HMGB1: variants seen among roughly 807,000 people sequenced by gnomAD.
The protein encoded by HMGB1 is high mobility group box 1, also known as high mobility group protein B1.
For missense variants in HMGB1, 79 were observed against 253.5 expected, an observed-to-expected ratio of 0.31 and a Z score of 4.67; for synonymous variants, 81 against 84.0, an observed-to-expected ratio of 0.96 and a Z score of 0.19.
chr13:30,550,739 A>G (rs1869390135), intron 1 of HMGB1, among the ~76,000 whole-genome samples: 1 of 152,188 alleles, frequency 6.6e-6, no homozygotes, highest in South Asian at 2.1e-4. Flanking sequence ...CTCACTCCCA[A>G]GAGGAAATTT....
At chr13:30,464,311 G>GTA (rs1886568026) in intron 1 of HMGB1, 1 of 985,310 alleles carries the variant, frequency 1.0e-6, no homozygotes, top group African/African-American at 1.7e-5. Flanking sequence ...GCCCTGAGAT[G>GTA]TATTTCTGTT....
intron 1 of HMGB1, among the ~76,000 whole-genome samples, chr13:30,579,272 GCT>G (rs1870797134): frequency 6.6e-6 from 1 of 152,020 alleles, no homozygotes; most frequent in African/African-American, 2.4e-5. Context: ...CACTTTTCAC[GCT>G]ATAGGCCATG....
chr13:30,463,427 T>C (rs1241177792), intron 2 of HMGB1, 75 bp from the exon 3 acceptor site: 18 of 1,530,716 alleles, frequency 1.2e-5, no homozygotes, highest in Non-Finnish European at 1.6e-5. Flanking sequence ...TCTTTTGCTA[T>C]GTAATAGCGT....
At chr13:30,598,223 C>T (rs535576556) in intron 1 of HMGB1, among the ~76,000 whole-genome samples, 2 of 152,340 alleles carry the variant, frequency 1.3e-5, no homozygotes, top group Admixed American at 6.5e-5. Flanking sequence ...AAATGACTTA[C>T]ATCTAGAGAT....
intron 1 of HMGB1, among the ~76,000 whole-genome samples, chr13:30,480,433 T>TG (rs1314608437): frequency 6.6e-5 from 10 of 152,356 alleles, no homozygotes; most frequent in Middle Eastern, 3.4e-3. Flanking sequence ...ATTTTAGAGA[T>TG]GGGGTCTCAC....
intron 1 of HMGB1, among the ~76,000 whole-genome samples, chr13:30,529,028 C>CAAAAAAAAAAAAAAA (rs59654057): frequency 1.9e-5 from 1 of 53,518 alleles, no homozygotes; most frequent in African/African-American, 7.0e-5. Context: ...GACTGCGTCT[C>CAAAAAAAAAAAAAAA]AAAAAAAAAA....
intron 1 of HMGB1, among the ~76,000 whole-genome samples, chr13:30,487,610 T>C (rs879620337): frequency 6.6e-6 from 1 of 152,164 alleles, no homozygotes; most frequent in Non-Finnish European, 1.5e-5. Context: ...GCTAAATGAC[T>C]TTTTTCCCCC....
intron 1 of HMGB1, among the ~76,000 whole-genome samples, chr13:30,500,726 C>CT (rs570120939): frequency 0.13 from 16,437 of 127,648 alleles, 1,373 homozygotes; most frequent in South Asian, 0.19. Context: ...TTTTTAATTT[C>CT]TTTTTTTTTT....
chr13:30,607,073 G>T (rs1448699258), intron 1 of HMGB1, among the ~76,000 whole-genome samples: 1 of 152,110 alleles, frequency 6.6e-6, no homozygotes, highest in African/African-American at 2.4e-5. Flanking sequence ...TTACAGTGAT[G>T]GTTTTTAGGC....
chr13:30,458,856 G>C lies in HMGB1; in HGVS notation c.*2501C>G, dbSNP rs1156345846. 6.6e-6 allele frequency: 1 copy of C among 152,164 alleles called. No homozygotes were observed. The highest frequency in any genetic ancestry group is 1.5e-5 in the Non-Finnish European group (1 of 68,018). 9.4% of individuals were successfully genotyped at this position (152,164 alleles called of 1,614,324 possible). A position where few individuals can be genotyped will look rare whatever the true frequency, so the allele number is the denominator to read the frequency against. On this transcript the variant is annotated 3_prime_UTR_variant, in exon 5 of 5. Coordinates refer to ENST00000341423, the MANE Select transcript of HMGB1 (RefSeq NM_002128.7). ...ATACAGCAAACATTAACAACACTGT[G>C]ATGGGACGATCATCAGAACTGTGGT...
chr13:30,600,676 G>A lies in HMGB1; in HGVS notation c.-15+15995C>T, dbSNP rs982985672. Among the ~76,000 whole-genome samples, 5 of 152,176 alleles carry A rather than the reference G, an allele frequency of 3.3e-5. No homozygotes were observed. In the South Asian group the frequency reaches 1.0e-3, roughly 32 times the overall value. On this transcript the variant is annotated intron_variant, in intron 1 of 4. Transcript: ENST00000405805. ...GGCTGGAGTGCAATGGCGCAATCCT[G>A]ACTCACTGCAACCTCCGCCTCCTGG... is the stretch of plus-strand genomic sequence containing the variant.
At chr13:30,485,939 G>A (rs2137435865) in intron 1 of HMGB1, among the ~76,000 whole-genome samples, 1 of 152,276 alleles carries the variant, frequency 6.6e-6, no homozygotes, top group Admixed American at 6.5e-5. Flanking sequence ...GAAAGTCAGT[G>A]CCTTGCCCGG....
chr13:30,550,131 A>G lies in HMGB1; in HGVS notation c.-15+66540T>C, dbSNP rs995677349. On this transcript the variant is annotated intron_variant, in intron 1 of 4. Transcript: ENST00000405805. ...TGTGTGTACTAGTTTTTAAAATCCT[A>G]TATTTTCCTTAACATTAAATTGAAA... Among the ~76,000 whole-genome samples the G allele has an allele frequency of 2.7e-5, 4 of 148,888 alleles. No homozygotes were observed. The East Asian group carries it at 5.8e-4, about 22-fold the overall frequency.
chr13:30,497,658 G>A (rs9508759), intron 1 of HMGB1, among the ~76,000 whole-genome samples: 129,431 of 151,968 alleles, frequency 0.85, 58,539 homozygotes, highest in East Asian at 1. Flanking sequence ...CTTTGTATCC[G>A]TGTGTACTCA....
upstream of HMGB1, chr13:30,466,090 T>G: frequency 7.9e-6 from 2 of 254,386 alleles, no homozygotes; most frequent in Non-Finnish European, 1.2e-5. Context: ...CAAATCTGAA[T>G]GTGTGTGTAT....
chr13:30,526,636 C>A (rs1284939641), intron 1 of HMGB1, among the ~76,000 whole-genome samples: 6 of 152,180 alleles, frequency 3.9e-5, no homozygotes, highest in Non-Finnish European at 8.8e-5. Flanking sequence ...GACATGACGT[C>A]TACGAGGAAC....
At chr13:30,481,708 G>T (rs17074645) in intron 1 of HMGB1, among the ~76,000 whole-genome samples, 9,568 of 152,268 alleles carry the variant, frequency 0.063, 811 homozygotes, top group African/African-American at 0.2. Context: ...CTCTTGAAGC[G>T]TGCCTCTGTC....
rs1337050068 is a variant in HMGB1 at position 30,460,646 on chromosome 13, A to G, written c.*711T>C. 6.6e-6 allele frequency: 1 copy of G among 152,592 alleles called. No individual in the cohort carries two copies. The highest frequency in any genetic ancestry group is 2.4e-5 in the African/African-American group (1 of 41,458). The allele number at this position is 152,592 out of a possible 1,614,324, so 9.5% of individuals were successfully genotyped here. A position where few individuals can be genotyped will look rare whatever the true frequency, so the allele number is the denominator to read the frequency against. ...AGATTGATTACTCTTCAGTTTGTAA[A>G]TGTAAGTGGGCTATGTGAAATTTCT... On this transcript the variant is annotated 3_prime_UTR_variant, in exon 5 of 5. Coordinates refer to ENST00000341423, the MANE Select transcript of HMGB1 (RefSeq NM_002128.7).
chr13:30,563,746 C>T (rs1406167017), intron 1 of HMGB1, among the ~76,000 whole-genome samples: 1 of 152,178 alleles, frequency 6.6e-6, no homozygotes, highest in Non-Finnish European at 1.5e-5. Flanking sequence ...TAACCTAGGA[C>T]CTTCATGTTA....
Sources: allele counts gnomAD v4.1 joint callset (sites outside exome capture counted in the v4.1 genomes callset), GRCh38; gene constraint gnomAD v4.1.1; transcripts MANE v1.5; gene names NCBI Gene and HGNC (gene_info 2026-07-23, HGNC 2026-07-21).